Variants in AASS observed in about 807,000 individuals in gnomAD.
AASS encodes aminoadipate-semialdehyde synthase, also known as alpha-aminoadipic semialdehyde synthase, mitochondrial.
AASS carries 86 observed loss-of-function variants against 105.4 expected under a neutral mutation model. The ratio of observed to expected loss-of-function variants is 0.82; its 90% confidence interval spans 0.69 to 0.98. The LOEUF (loss-of-function observed/expected upper bound fraction) is 0.98, where lower values mean the gene tolerates loss of function less well. Ranked by LOEUF, AASS falls within the 50% of genes least tolerant of loss-of-function variation. The pLI is 0.00. For missense variants in AASS, 1,048 were observed against 1,143.2 expected (o/e 0.92, Z 1.20); for synonymous variants, 381 against 394.8 (o/e 0.96, Z 0.41).
intron 1 of AASS, among the ~76,000 whole-genome samples, chr7:122,135,473 C>T (rs966007739): frequency 2.0e-5 from 3 of 152,076 alleles, no homozygotes; most frequent in African/African-American, 4.8e-5. Context: ...TATTAAACCC[C>T]GACCTGCCTC....
chr7:122,129,483 T>G lies in AASS; in HGVS notation c.265A>C (p.Ile89Leu). Residue 89 changes from isoleucine to leucine, a missense_variant, in exon 3 of 24, where the codon ATT becomes CTT. Transcript: ENST00000417368. The part of the protein sequence containing the change: ...LQEDISEACL[I>L]LGVKRPPEEK... ...TCTGGAGGTCTTTTAACTCCTAAAA[T>G]TAGACAAGCTTCAGAAATATCCTCC... The G allele has an allele frequency of 6.2e-7, 1 of 1,613,572 alleles. No individual in the cohort carries two copies. Among genetic ancestry groups the G allele is most frequent in the Non-Finnish European group, 8.5e-7 (1 of 1,179,726 alleles).
At chr7:122,123,155 C>T (rs1417619975) in intron 4 of AASS, among the ~76,000 whole-genome samples, 1 of 152,150 alleles carries the variant, frequency 6.6e-6, no homozygotes, top group East Asian at 1.9e-4. Flanking sequence ...TTTTCATCCT[C>T]CACTTAGCAA....
At chr7:122,139,715 T>C (rs1796300649) in intron 1 of AASS, among the ~76,000 whole-genome samples, 1 of 152,160 alleles carries the variant, frequency 6.6e-6, no homozygotes, top group South Asian at 2.1e-4. Flanking sequence ...GCCAGCACTT[T>C]GGGAGGCCAG....
intron 15 of AASS, among the ~76,000 whole-genome samples, chr7:122,096,115 G>GA (rs1562916777): frequency 6.6e-6 from 1 of 151,900 alleles, no homozygotes; most frequent in Non-Finnish European, 1.5e-5. Flanking sequence ...CCAAAAGGTC[G>GA]AAAATGTCAC....
In AASS at chr7:122,116,756, G is replaced by A. The variant is rs1795199454; in HGVS notation, c.771C>T (p.Leu257=). The part of the protein sequence containing the change: ...ELKEVSQTGD[L]RKVYGTVLSR... ...TTAACACCGTCCCATACACTTTTCTGAGGTCTTGAAAAGGAGAAAGAAATT... is the reference window on the plus strand; with the variant it reads ...TTAACACCGTCCCATACACTTTTCTAAGGTCTTGAAAAGGAGAAAGAAATT... The change falls in exon 8 of 24, where the codon CTC becomes CTT. Residue 257 remains leucine, a synonymous_variant. Transcript: ENST00000417368. 6.2e-7 allele frequency: 1 copy of A among 1,614,018 alleles called. No individual in the cohort carries two copies. The highest frequency in any genetic ancestry group is 8.5e-7 in the Non-Finnish European group (1 of 1,179,976).
Position 122,076,555 on chromosome 7 carries a change from T to C in AASS, c.2715A>G (p.Gly905=). Residue 905 remains glycine, a synonymous_variant, in exon 24 of 24, where the codon GGA becomes GGG. Transcript: ENST00000417368. ...LMGPFSKEIY[G]PILERIKAEG... ...CTGCTTTAATTCGCTCCAATATTGG[T>C]CCATAGATCTCCTTTGAAAAGGGCC... 1 of 1,613,906 alleles carries C rather than the reference T, an allele frequency of 6.2e-7. No homozygotes were observed. The highest frequency in any genetic ancestry group is 8.5e-7 in the Non-Finnish European group (1 of 1,179,812).
At chr7:122,118,674 A>G in intron 4 of AASS, 44 bp from the exon 5 acceptor site, 1 of 1,589,666 alleles carries the variant, frequency 6.3e-7, no homozygotes, top group Non-Finnish European at 8.6e-7. Context: ...AGTTGGGAAG[A>G]ATTTAAGCTG....
intron 12 of AASS, 34 bp downstream of exon 12, chr7:122,101,587 A>G (rs1562921896): frequency 3.2e-6 from 5 of 1,577,112 alleles, no homozygotes; most frequent in Non-Finnish European, 3.5e-6. Context: ...GTAAAAAAAT[A>G]CATTTATGAA....
intron 15 of AASS, among the ~76,000 whole-genome samples, chr7:122,097,499 G>A (rs1486563118): frequency 6.6e-6 from 1 of 151,956 alleles, no homozygotes; most frequent in Non-Finnish European, 1.5e-5. Flanking sequence ...CCAATGGGTA[G>A]TTTTTCGATC....
intron 1 of AASS, among the ~76,000 whole-genome samples, chr7:122,141,915 A>T (rs1796418583): frequency 6.6e-6 from 1 of 152,218 alleles, no homozygotes; most frequent in South Asian, 2.1e-4. Context: ...TTACAAAAAC[A>T]TTAGAAATGT....
chr7:122,084,775 T>C (rs1232682303), intron 19 of AASS, among the ~76,000 whole-genome samples: 2 of 151,996 alleles, frequency 1.3e-5, no homozygotes, highest in Non-Finnish European at 2.9e-5. Context: ...GACAGGTCCA[T>C]GTGCCTTACA....
intron 9 of AASS, among the ~76,000 whole-genome samples, chr7:122,114,190 C>G (rs1166377074): frequency 6.6e-6 from 1 of 152,094 alleles, no homozygotes; most frequent in African/African-American, 2.4e-5. Context: ...CTCCAATTAC[C>G]ACTTGCATAC....
intron 6 of AASS, among the ~76,000 whole-genome samples, chr7:122,117,389 C>T (rs1243452982): frequency 6.6e-6 from 1 of 151,996 alleles, no homozygotes; most frequent in Non-Finnish European, 1.5e-5. Flanking sequence ...AATTATTTTA[C>T]AATGACAAGT....
chr7:122,113,328 T>C, intron 10 of AASS, 99 bp from the exon 11 acceptor site: 1 of 1,161,588 alleles, frequency 8.6e-7, no homozygotes, highest in Non-Finnish European at 1.3e-6. Flanking sequence ...TCATTATCAT[T>C]TGTAATTTTG....
chr7:122,092,750 T>G lies in AASS; in HGVS notation c.1875+93A>C, dbSNP rs1793966616. The G allele has an allele frequency of 2.8e-6, 3 of 1,090,610 alleles. No individual in the cohort carries two copies. The South Asian group carries it at 3.8e-5, about 14-fold the overall frequency. 67.6% of individuals were successfully genotyped at this position (1,090,610 alleles called of 1,614,324 possible). On this transcript the variant is annotated intron_variant, in intron 17 of 23. Coordinates refer to ENST00000417368, the MANE Select transcript of AASS (RefSeq NM_005763.4). The stretch of plus-strand genomic sequence containing the variant: ...AAAAAAAAAAAATCTTTAACTTTGA[T>G]TAAAGGTGTTGCTATATTATAACTC...
intron 19 of AASS, among the ~76,000 whole-genome samples, chr7:122,083,256 T>C (rs1184003379): frequency 6.6e-6 from 1 of 152,140 alleles, no homozygotes; most frequent in Non-Finnish European, 1.5e-5. Flanking sequence ...GCAAATATAC[T>C]TCAAAGAGGA....
At chr7:122,129,013 G>A (rs1031544478) in intron 3 of AASS, among the ~76,000 whole-genome samples, 3 of 152,120 alleles carry the variant, frequency 2.0e-5, no homozygotes, top group Non-Finnish European at 2.9e-5. Context: ...GGGAGGCGGA[G>A]GTTGCAGTGA....
rs1232627456 is a variant in AASS, at chr7:122,115,278, A to G, written c.895-56T>C. ...AGAAAATAGCCTATTTTAATACAGTATACTGAAAGAAAGCTATCAGTAAAT... is the reference window on the plus strand; with the variant it reads ...AGAAAATAGCCTATTTTAATACAGTGTACTGAAAGAAAGCTATCAGTAAAT... On this transcript the variant is annotated intron_variant, in intron 8 of 23. Transcript: ENST00000417368. 5.0e-6 allele frequency: 8 copies of G among 1,584,550 alleles called. No homozygotes were observed. In the African/African-American group the frequency reaches 8.1e-5, roughly 16 times the overall value.
chr7:122,102,661 C>T (rs181169984), intron 11 of AASS, among the ~76,000 whole-genome samples: 1 of 152,088 alleles, frequency 6.6e-6, no homozygotes, highest in East Asian at 1.9e-4. Context: ...AAGGTCAGTT[C>T]TCCAAAGGAC....
Sources: allele counts gnomAD v4.1 joint callset (sites outside exome capture counted in the v4.1 genomes callset), GRCh38; gene constraint gnomAD v4.1.1; transcripts MANE v1.5; gene names NCBI Gene and HGNC (gene_info 2026-07-23, HGNC 2026-07-21).